JADE3: variants seen among roughly 807,000 people sequenced by gnomAD.
JADE3 encodes the protein jade family PHD finger 3.
In JADE3, 2 loss-of-function variants were observed where a neutral mutation model predicts 50.1. That is an observed-to-expected ratio of 0.04 (90% confidence interval 0.02 to 0.13). The LOEUF (loss-of-function observed/expected upper bound fraction) is 0.13. Ranked by LOEUF, JADE3 falls within the 10% of genes least tolerant of loss-of-function variation. The probability of loss-of-function intolerance (pLI) is 1.00; values close to 1 mark genes in which losing one functional copy is unlikely to be tolerated. For missense variants in JADE3, 475 were observed against 634.4 expected (o/e 0.75, Z 2.70); for synonymous variants, 218 against 232.9 (o/e 0.94, Z 0.58).
At chrX:46,916,264 T>C (rs1344512503) in intron 1 of JADE3, among the ~76,000 whole-genome samples, 3 of 112,689 alleles carry the variant, frequency 2.7e-5, no homozygotes, top group Non-Finnish European at 5.6e-5. Flanking sequence ...TCATTTGCTT[T>C]ATCACTTGCT....
chrX:46,974,602 C>T (rs924699874), intron 1 of JADE3, among the ~76,000 whole-genome samples: 1 of 112,083 alleles, frequency 8.9e-6, no homozygotes, highest in Middle Eastern at 4.6e-3. Flanking sequence ...CTTCCAAATA[C>T]CATCACAGAT....
Position 46,915,209 on chromosome X carries a change from A to G in JADE3, c.-12+2490A>G, listed in dbSNP as rs1926055952. 7.2e-5 allele frequency among the ~76,000 whole-genome samples: 8 copies of G among 111,825 alleles called. 1 individual carries two copies. The Admixed American group carries it at 7.6e-4, about 11-fold the overall frequency. The stretch of plus-strand genomic sequence containing the variant: ...CATGGCATTAGGGAGGGCTCTTACA[A>G]GCCTTGATCAGAGTTACAGAGAGCC... On this transcript the variant is annotated intron_variant, in intron 1 of 10. Coordinates refer to ENST00000614628, the MANE Select transcript of JADE3 (RefSeq NM_014735.5).
chrX:47,004,688 C>T (rs1928370136), intron 4 of JADE3, among the ~76,000 whole-genome samples: 1 of 112,746 alleles, frequency 8.9e-6, no homozygotes, highest in African/African-American at 3.2e-5. Flanking sequence ...CCGCCTCAGC[C>T]TACCAAAATG....
intron 1 of JADE3, among the ~76,000 whole-genome samples, chrX:46,948,575 A>G (rs782776296): frequency 8.9e-6 from 1 of 112,402 alleles, no homozygotes; most frequent in East Asian, 2.8e-4. Flanking sequence ...GTAGAGAGAG[A>G]ATGCAAAGAA....
rs1468500258 is a variant in JADE3, at chrX:46,959,717, G to A, written c.-11-25167G>A. ...GTGATGATGAGCAGTCCAGAGTAGG[G>A]GGTAGGATAGTATTGGAGGTAGAAA... On this transcript the variant is annotated intron_variant, in intron 1 of 10. Transcript: ENST00000614628. Among the ~76,000 whole-genome samples the A allele has an allele frequency of 9.1e-5, 10 of 110,119 alleles. No individual in the cohort carries two copies. In the Admixed American group the frequency reaches 9.7e-4, roughly 11 times the overall value.
chrX:46,945,898 C>T (rs1469197014), intron 1 of JADE3, among the ~76,000 whole-genome samples: 5 of 111,489 alleles, frequency 4.5e-5, no homozygotes, highest in Non-Finnish European at 9.4e-5. Context: ...TAGGCCGCTC[C>T]TAGGCACTCC....
At chrX:47,025,349 A>T (rs781906340) in intron 5 of JADE3, among the ~76,000 whole-genome samples, 1 of 111,305 alleles carries the variant, frequency 9.0e-6, no homozygotes, top group African/African-American at 3.3e-5. Context: ...AGAATCTCCA[A>T]CTTCAGTATT....
At chrX:47,032,077 G>C (rs907981711) in intron 6 of JADE3, among the ~76,000 whole-genome samples, 2 of 110,888 alleles carry the variant, frequency 1.8e-5, no homozygotes, top group Non-Finnish European at 3.8e-5. Flanking sequence ...ACCATGTAGA[G>C]CAGGGAAGCT....
chrX:47,054,576 G>A lies in JADE3; in HGVS notation c.1391G>A (p.Ser464Asn), dbSNP rs138719055. The change falls in exon 9 of 11, where the codon AGC (serine) becomes AAC (asparagine). Residue 464 changes from serine to asparagine, a missense_variant. By Grantham distance (46) the Ser-to-Asn change is conservative. Coordinates refer to ENST00000614628, the MANE Select transcript of JADE3 (RefSeq NM_014735.5). The stretch of plus-strand genomic sequence containing the variant: ...GGGCTGGTGCAGCCAAAAGAGGAAA[G>A]CATTCACACTCGAATGAGAATGTTT... ...ENGLVQPKEESIHTRMRMFMH... is the reference protein window; with the variant it reads ...ENGLVQPKEENIHTRMRMFMH... 54 of 1,208,297 alleles carry A rather than the reference G, an allele frequency of 4.5e-5. No homozygotes were observed. The African/African-American group carries it at 7.8e-4, about 18-fold the overall frequency.
intron 1 of JADE3, among the ~76,000 whole-genome samples, chrX:46,956,737 T>C (rs1326971712): frequency 7.3e-5 from 8 of 109,544 alleles, no homozygotes; most frequent in African/African-American, 2.7e-4. Context: ...CCTTCCTTCC[T>C]TTTTTCTTTT....
rs535903003 is a variant in JADE3, at chrX:46,917,272, T to C, written c.-12+4553T>C. Among the ~76,000 whole-genome samples the C allele has an allele frequency of 5.4e-5, 6 of 111,044 alleles. No homozygotes were observed. The East Asian group carries it at 1.4e-3, about 26-fold the overall frequency. On this transcript the variant is annotated intron_variant, in intron 1 of 10. Transcript: ENST00000614628. ...GGGGTGGCTCGGTGTGTTTCTATTT[T>C]TTCAACAAATAAATATCTAATTGCA... is the stretch of plus-strand genomic sequence containing the variant.
rs782022670 is a variant in JADE3 at position 47,060,552 on chromosome X, C to T, written c.*1475C>T. The T allele has an allele frequency of 8.9e-6, 1 of 111,882 alleles. No individual in the cohort carries two copies. Among genetic ancestry groups the T allele is most frequent in the Non-Finnish European group, 1.9e-5 (1 of 53,166 alleles). The allele number at this position is 111,882 out of a possible 1,213,427, so 9.2% of individuals were successfully genotyped here. On this transcript the variant is annotated 3_prime_UTR_variant, in exon 11 of 11. Coordinates refer to ENST00000614628, the MANE Select transcript of JADE3 (RefSeq NM_014735.5). ...CTCTCCCCCAGTTGTGTTCTTGTAA[C>T]GTTGTTAATGGGTTCCTTTGCTTTT...
chrX:46,943,425 C>T (rs139290137), intron 1 of JADE3, among the ~76,000 whole-genome samples: 3,004 of 111,714 alleles, frequency 0.027, 52 homozygotes, highest in Non-Finnish European at 0.044. Context: ...TGGATTTTAT[C>T]AAAAGCTTTT....
chrX:46,999,425 C>CATATATAACATATATATAT (rs1358599170), intron 4 of JADE3, among the ~76,000 whole-genome samples: 95 of 99,227 alleles, frequency 9.6e-4, no homozygotes, highest in Non-Finnish European at 1.6e-3. Context: ...CATATATATA[C>CATATATAACATATATATAT]ATATATAACA....
intron 1 of JADE3, among the ~76,000 whole-genome samples, chrX:46,965,662 A>C (rs1425034608): frequency 9.0e-6 from 1 of 111,288 alleles, no homozygotes; most frequent in Non-Finnish European, 1.9e-5. Context: ...TATGTTTTAA[A>C]AGTGAGGAAG....
rs782588493 is a variant in JADE3, at chrX:46,980,100, G to A, written c.-11-4784G>A. Among the ~76,000 whole-genome samples, 3 of 108,671 alleles carry A rather than the reference G, an allele frequency of 2.8e-5. No homozygotes were observed. In the South Asian group the frequency reaches 1.2e-3, roughly 44 times the overall value. The allele number at this position is 108,671 out of a possible 115,157, so 94.4% of individuals were successfully genotyped here. ...TCACCATGTTGGCCAGGCTGGTCTC[G>A]AACTCCTGACCTCAAATGATCCGTC... On this transcript the variant is annotated intron_variant, in intron 1 of 10. Coordinates refer to ENST00000614628, the MANE Select transcript of JADE3 (RefSeq NM_014735.5).
rs1427440913 is a variant in JADE3, at chrX:47,058,092, G to A, written c.1562-75G>A. ...TAAACATTTGGAAGAGTAGGTATGT[G>A]AACTCACTCTGCCATAAGCACAAAA... On this transcript the variant is annotated intron_variant, in intron 10 of 10. Coordinates refer to ENST00000614628, the MANE Select transcript of JADE3 (RefSeq NM_014735.5). 15 of 861,178 alleles carry A rather than the reference G, an allele frequency of 1.7e-5. No homozygotes were observed. The South Asian group carries it at 2.9e-4, about 16-fold the overall frequency. The allele number at this position is 861,178 out of a possible 1,213,427, so 71.0% of individuals were successfully genotyped here. A position where few individuals can be genotyped will look rare whatever the true frequency, so the allele number is the denominator to read the frequency against.
chrX:47,024,682 C>T (rs1928868847), intron 4 of JADE3, 42 bp from the exon 5 acceptor site: 1 of 914,514 alleles, frequency 1.1e-6, no homozygotes, highest in Non-Finnish European at 1.6e-6. Flanking sequence ...TGAAATCTGT[C>T]ATTTGTTGAT....
rs1556373759 is a variant in JADE3 at position 47,058,186 on chromosome X, A to C, written c.1581A>C (p.Ala527=). 1 of 1,202,658 alleles carries C rather than the reference A, an allele frequency of 8.3e-7. No individual in the cohort carries two copies. The highest frequency in any genetic ancestry group is 1.1e-6 in the Non-Finnish European group (1 of 892,351). The change falls in exon 11 of 11, where the codon GCA becomes GCC. Residue 527 remains alanine, a synonymous_variant. Transcript: ENST00000614628. The part of the protein sequence containing the change: ...EIDAGLPLTN[A]LENSLFYPPP... ...TCTCAGGGCTTCCTTTGACAAATGC[A>C]CTTGAAAACTCACTGTTTTACCCAC...
Sources: gnomAD v4.1 joint callset for allele counts (sites outside exome capture counted in the v4.1 genomes callset) on GRCh38, gnomAD v4.1.1 for gene constraint, MANE v1.5 for transcripts, NCBI Gene and HGNC (gene_info 2026-07-23, HGNC 2026-07-21) for gene names.